Variants in HPF1 observed in about 807,000 individuals in gnomAD.
HPF1 encodes UPF0609 protein C4orf27.
A neutral mutation model predicts 38.8 loss-of-function variants in HPF1; 35 were observed. The ratio of observed to expected loss-of-function variants is 0.90; its 90% CI spans 0.69 to 1.19. HPF1 has a LOEUF of 1.19. Among genes scored for constraint, HPF1 ranks in the 50% most tolerant of loss-of-function variants. The pLI, the probability that HPF1 is intolerant of heterozygous loss-of-function variation, is 0.00. For synonymous variants in HPF1, 115 were observed against 139.2 expected (o/e 0.83, Z 1.22); for missense variants, 367 against 405.8 (o/e 0.90, Z 0.82).
At chr4:169,732,731 T>C (rs1733845440) in intron 6 of HPF1, among the ~76,000 whole-genome samples, 1 of 152,120 alleles carries the variant, frequency 6.6e-6, no homozygotes, top group Non-Finnish European at 1.5e-5. Flanking sequence ...TATCTGAGGG[T>C]TCTACATCCT....
At chr4:169,730,362 T>C (rs747533713) in intron 7 of HPF1, among the ~76,000 whole-genome samples, 11 of 152,266 alleles carry the variant, frequency 7.2e-5, no homozygotes, top group Non-Finnish European at 4.4e-5. Context: ...TCACATCTTA[T>C]GGCTCTACTT....
chr4:169,743,192 C>A (rs1345356926), intron 4 of HPF1, among the ~76,000 whole-genome samples: 1 of 152,040 alleles, frequency 6.6e-6, no homozygotes, highest in African/African-American at 2.4e-5. Flanking sequence ...TCACTGCAAC[C>A]TCCACCTCCC....
chr4:169,742,528 C>G (rs1413508349), intron 4 of HPF1, among the ~76,000 whole-genome samples: 1 of 152,190 alleles, frequency 6.6e-6, no homozygotes, highest in Non-Finnish European at 1.5e-5. Context: ...CGCAGTGGCT[C>G]ACGCCTGTAA....
At chr4:169,742,610 G>T (rs975564512) in intron 4 of HPF1, among the ~76,000 whole-genome samples, 9 of 152,150 alleles carry the variant, frequency 5.9e-5, no homozygotes, top group Admixed American at 1.3e-4. Context: ...GGCTAACAAG[G>T]TGAAACCCCG....
At chr4:169,740,674 T>C (rs1733957318) in intron 5 of HPF1, among the ~76,000 whole-genome samples, 1 of 152,240 alleles carries the variant, frequency 6.6e-6, no homozygotes, top group Admixed American at 6.5e-5. Context: ...AAGTTCTTTT[T>C]TGTCTTTGTT....
chr4:169,743,404 CT>C (rs1251276701), intron 4 of HPF1, among the ~76,000 whole-genome samples: 47 of 135,984 alleles, frequency 3.5e-4, no homozygotes, highest in African/African-American at 1.3e-3. Flanking sequence ...GCCACTGCCC[CT>C]GGCCTTTTTT....
At chr4:169,747,452 C>A (rs1337010159) in intron 4 of HPF1, among the ~76,000 whole-genome samples, 1 of 152,008 alleles carries the variant, frequency 6.6e-6, no homozygotes, top group African/African-American at 2.4e-5. Flanking sequence ...CACTTTACTG[C>A]AAATTTGTAT....
In HPF1 at chr4:169,741,970, T is replaced by A; in HGVS notation, c.635A>T (p.Gln212Leu). The change falls in exon 5 of 8, where the codon CAG becomes CTG. Residue 212 changes from glutamine to leucine, a missense_variant. Coordinates refer to ENST00000393381, the MANE Select transcript of HPF1 (RefSeq NM_017867.3). ...TTGAAATCATACTTTCTTATCTCTCTGTTTCATCTTCACGGTTCTCTGTTC... is the reference window on the plus strand; with the variant it reads ...TTGAAATCATACTTTCTTATCTCTCAGTTTCATCTTCACGGTTCTCTGTTC... ...SLEQRTVKMK[Q>L]RDKKVVTKTF... The A allele has an allele frequency of 6.2e-7, 1 of 1,612,910 alleles. No individual in the cohort carries two copies. The highest frequency in any genetic ancestry group is 8.5e-7 in the Non-Finnish European group (1 of 1,179,602).
At chr4:169,734,148 A>G (rs1328693923) in intron 6 of HPF1, among the ~76,000 whole-genome samples, 1 of 152,190 alleles carries the variant, frequency 6.6e-6, no homozygotes, top group Non-Finnish European at 1.5e-5. Context: ...TGTTGGTTTG[A>G]AACCTTTTAC....
At chr4:169,742,142 G>A (rs1439057638) in intron 4 of HPF1, 35 bp from the exon 5 acceptor site, 1 of 1,595,378 alleles carries the variant, frequency 6.3e-7, no homozygotes, top group African/African-American at 1.3e-5. Context: ...TTATGTGGCA[G>A]GCCACTGTAC....
At chr4:169,756,326 G>T (rs1340690515) in intron 1 of HPF1, among the ~76,000 whole-genome samples, 1 of 152,200 alleles carries the variant, frequency 6.6e-6, no homozygotes. Flanking sequence ...GTCCACAGCA[G>T]ATCCTCAACC....
At position 169,757,861 on chromosome 4, in the gene HPF1, C is replaced by G; in HGVS notation, c.17G>C (p.Gly6Ala). ...CCCCTCTCCGCCGGGCCTGCGCTTC[C>G]CGCCACCGCCGACCATTCTGCAGCT... MVGGG[G>A]KRRPGGEGPQ... is the part of the protein sequence containing the mutation. The change falls in exon 1 of 8, where the codon GGG becomes GCG. Residue 6 changes from glycine (G) to alanine (A), a missense_variant. Physicochemically the swap from Gly to Ala is moderately conservative, Grantham distance 60. Transcript: ENST00000393381. 6.4e-7 allele frequency: 1 copy of G among 1,563,414 alleles called. No individual in the cohort carries two copies. Among genetic ancestry groups the G allele is most frequent in the Non-Finnish European group, 8.6e-7 (1 of 1,161,614 alleles).
intron 4 of HPF1, among the ~76,000 whole-genome samples, chr4:169,746,279 G>C (rs1396960028): frequency 6.6e-6 from 1 of 152,070 alleles, no homozygotes; most frequent in East Asian, 1.9e-4. Flanking sequence ...TTCTGTACCT[G>C]TCCAAAATCC....
intron 1 of HPF1, among the ~76,000 whole-genome samples, chr4:169,757,070 T>C (rs1734196812): frequency 6.6e-6 from 1 of 152,204 alleles, no homozygotes; most frequent in Non-Finnish European, 1.5e-5. Flanking sequence ...ACAATGGCAC[T>C]TCTTTCCTGA....
chr4:169,756,071 AAATAGT>A (rs1483516933), intron 1 of HPF1, among the ~76,000 whole-genome samples: 4 of 152,254 alleles, frequency 2.6e-5, no homozygotes, highest in Admixed American at 1.3e-4. Flanking sequence ...CAATAATAGC[AAATAGT>A]AATAGTAAAG....
At chr4:169,744,488 C>A (rs900924434) in intron 4 of HPF1, among the ~76,000 whole-genome samples, 1 of 152,176 alleles carries the variant, frequency 6.6e-6, no homozygotes, top group Non-Finnish European at 1.5e-5. Flanking sequence ...ACATTTTGTG[C>A]TGTGACTTTA....
rs1221999655 is a variant in HPF1, at chr4:169,750,642, T to C, written c.292A>G (p.Thr98Ala). 3.1e-6 allele frequency: 5 copies of C among 1,613,800 alleles called. No individual in the cohort carries two copies. Among genetic ancestry groups the C allele is most frequent in the Non-Finnish European group, 3.4e-6 (4 of 1,179,760 alleles). Residue 98 changes from threonine to alanine, a missense_variant, in exon 3 of 8, where the codon ACA becomes GCA. By Grantham distance (58) the Thr-to-Ala change is moderately conservative. Coordinates refer to ENST00000393381, the MANE Select transcript of HPF1 (RefSeq NM_017867.3). ...CAGTGAAGGTTAAAATTCAGGCCTG[T>C]TGATTTTTTCTTCGTTTTATGTTTT... ...AGKHKTKKKSTGLNFNLHWRF... is the reference protein window; with the variant it reads ...AGKHKTKKKSAGLNFNLHWRF...
chr4:169,735,667 G>A (rs1406748907), intron 6 of HPF1, among the ~76,000 whole-genome samples: 1 of 152,078 alleles, frequency 6.6e-6, no homozygotes, highest in Non-Finnish European at 1.5e-5. Flanking sequence ...TACAACAAAT[G>A]TGCGCAACCT....
chr4:169,755,227 G>A (rs536690724), intron 1 of HPF1, among the ~76,000 whole-genome samples: 1 of 152,094 alleles, frequency 6.6e-6, no homozygotes, highest in East Asian at 1.9e-4. Context: ...CTATTGTTAG[G>A]AGAACAGTTG....
Sources: allele counts gnomAD v4.1 joint callset (sites outside exome capture counted in the v4.1 genomes callset), GRCh38; gene constraint gnomAD v4.1.1; transcripts MANE v1.5; gene names NCBI Gene and HGNC (gene_info 2026-07-23, HGNC 2026-07-21).